Variants in DOCK9 observed in about 807,000 individuals in gnomAD.
DOCK9 encodes dedicator of cytokinesis 9, also known as dedicator of cytokinesis protein 9.
A neutral mutation model predicts 263.3 loss-of-function variants in DOCK9; 89 were observed. The ratio of observed to expected loss-of-function variants is 0.34; its 90% CI spans 0.28 to 0.40. The LOEUF is 0.40. DOCK9 is among the 10% of genes least tolerant of loss of function. DOCK9 has a pLI of 1.00. For missense variants in DOCK9, 2,140 were observed against 2,603.4 expected (o/e 0.82, Z 3.87); for synonymous variants, 976 against 973.1 (o/e 1.00, Z -0.06).
upstream of DOCK9, among the ~76,000 whole-genome samples, chr13:99,087,196 G>A (rs1353532513): frequency 2.0e-5 from 3 of 152,194 alleles, no homozygotes; most frequent in East Asian, 5.8e-4. Flanking sequence ...CCGCGCGCTC[G>A]TGTGGCGCCT....
intron 38 of DOCK9, among the ~76,000 whole-genome samples, 163 bp downstream of exon 38, chr13:98,845,761 C>T (rs146908132): frequency 2.2e-4 from 34 of 152,272 alleles, no homozygotes; most frequent in African/African-American, 7.9e-4. Context: ...ATGCTGAGGA[C>T]GCTCCTCCAA....
intron 1 of DOCK9, among the ~76,000 whole-genome samples, chr13:99,078,729 A>G (rs961612768): frequency 1.1e-4 from 16 of 152,220 alleles, no homozygotes; most frequent in African/African-American, 3.6e-4. Context: ...GCTCAAATAT[A>G]CAACAGGAAG....
At chr13:98,995,553 A>T (rs1267074652) in intron 1 of DOCK9, among the ~76,000 whole-genome samples, 1 of 140,116 alleles carries the variant, frequency 7.1e-6, no homozygotes, top group Non-Finnish European at 1.5e-5. Context: ...CAGTGGCGCG[A>T]TCTCGGCTCA....
chr13:98,824,117 T>C (rs997212840), intron 45 of DOCK9, among the ~76,000 whole-genome samples: 1 of 152,224 alleles, frequency 6.6e-6, no homozygotes, highest in African/African-American at 2.4e-5. Flanking sequence ...GACCAATATA[T>C]TGGAACTTTT....
At chr13:98,819,186 T>G (rs1207445838) in intron 45 of DOCK9, among the ~76,000 whole-genome samples, 1 of 152,176 alleles carries the variant, frequency 6.6e-6, no homozygotes, top group Non-Finnish European at 1.5e-5. Flanking sequence ...AATCTGGGTT[T>G]GGGGGGTAAG....
chr13:98,951,473 G>A (rs537852017), intron 2 of DOCK9, among the ~76,000 whole-genome samples: 20 of 152,336 alleles, frequency 1.3e-4, no homozygotes, highest in African/African-American at 4.8e-4. Context: ...AGGTGGGCAG[G>A]TGGGTGGGAG....
At chr13:99,085,377 C>T (rs1008467057) in intron 1 of DOCK9, among the ~76,000 whole-genome samples, 3 of 152,370 alleles carry the variant, frequency 2.0e-5, no homozygotes, top group Admixed American at 6.5e-5. Flanking sequence ...GAGCTCGCTC[C>T]TGCTCAAACG....
At chr13:99,043,753 C>A (rs1888696607) in intron 1 of DOCK9, among the ~76,000 whole-genome samples, 1 of 152,162 alleles carries the variant, frequency 6.6e-6, no homozygotes, top group African/African-American at 2.4e-5. Context: ...CTCCTTTACC[C>A]TGCCTCATCT....
rs1234517202 is a variant in DOCK9 at position 98,863,068 on chromosome 13, T to A, written c.3530A>T (p.Gln1177Leu). ...PLFGLLIENVQRINVRDVSPF... is the reference protein window; with the variant it reads ...PLFGLLIENVLRINVRDVSPF... ...TGACACATCCCTCACATTGATCCGC[T>A]GGACGTTTTCAATCAGCAGACCAAA... Residue 1177 changes from glutamine to leucine, a missense_variant, in exon 32 of 53, where the codon CAG (glutamine) becomes CTG (leucine). By Grantham distance (113) the Gln-to-Leu change is moderately radical (BLOSUM62 -2). Transcript: ENST00000682017. 1 of 1,612,014 alleles carries A rather than the reference T, an allele frequency of 6.2e-7. No homozygotes were observed. Among genetic ancestry groups the A allele is most frequent in the East Asian group, 2.2e-5 (1 of 44,838 alleles).
At chr13:98,917,172 G>A (rs1419268642) in intron 7 of DOCK9, among the ~76,000 whole-genome samples, 1 of 152,172 alleles carries the variant, frequency 6.6e-6, no homozygotes, top group Non-Finnish European at 1.5e-5. Context: ...TGATAGCTCA[G>A]GGCAGTTGTA....
chr13:98,885,491 G>A (rs1372348665), intron 20 of DOCK9: 2 of 498,604 alleles, frequency 4.0e-6, no homozygotes, highest in Admixed American at 3.8e-5. Flanking sequence ...TGTAGTCCCA[G>A]CTATTCAGGA....
At chr13:98,925,238 A>G (rs73560665) in intron 4 of DOCK9, among the ~76,000 whole-genome samples, 2 of 152,288 alleles carry the variant, frequency 1.3e-5, no homozygotes, top group African/African-American at 4.8e-5. Context: ...ATTCCTTTAA[A>G]GCAACACACA....
chr13:98,817,451 C>CTTTTTTTTTTTT lies in DOCK9; in HGVS notation c.5130+6935_5130+6946dup, dbSNP rs10683281. Among the ~76,000 whole-genome samples, 62 of 97,596 alleles carry CTTTTTTTTTTTT rather than the reference C, an allele frequency of 6.4e-4. 6 individuals are homozygous for CTTTTTTTTTTTT. The highest frequency in any genetic ancestry group is 1.4e-3 in the African/African-American group (29 of 20,252). The allele number at this position is 97,596 out of a possible 152,430, so 64.0% of individuals were successfully genotyped here. On this transcript the variant is annotated intron_variant, in intron 45 of 52. Transcript: ENST00000682017. ...TGTGAGAACAGACTAATACACCCAG[C>CTTTTTTTTTTTT]TTTTTTTTTTTTTTTTTTTTTGGTA...
At chr13:99,061,201 C>T (rs2041172386) in intron 1 of DOCK9, among the ~76,000 whole-genome samples, 1 of 152,114 alleles carries the variant, frequency 6.6e-6, no homozygotes, top group Admixed American at 6.5e-5. Context: ...CCATAGAACA[C>T]CTAAGCATTT....
intron 1 of DOCK9, among the ~76,000 whole-genome samples, chr13:99,082,488 C>T (rs2042161681): frequency 6.6e-6 from 1 of 151,804 alleles, no homozygotes; most frequent in African/African-American, 2.4e-5. Context: ...CACTGCACTC[C>T]AGCCTGGGTG....
intron 30 of DOCK9, chr13:98,867,091 T>C (rs1228017145): frequency 1.5e-5 from 7 of 456,512 alleles, no homozygotes; most frequent in Non-Finnish European, 3.0e-5. Flanking sequence ...GACTCCACAG[T>C]TGGTGAAAGA....
intron 15 of DOCK9, among the ~76,000 whole-genome samples, chr13:98,891,674 GTTAT>G (rs1241856477): frequency 1.3e-5 from 2 of 152,088 alleles, no homozygotes; most frequent in Non-Finnish European, 2.9e-5. Flanking sequence ...CCTAACTATA[GTTAT>G]TTCTTATTCT....
At chr13:98,845,516 T>G in intron 38 of DOCK9, 2 of 437,352 alleles carry the variant, frequency 4.6e-6, no homozygotes, top group Non-Finnish European at 7.9e-6. Flanking sequence ...GCTTGATCAA[T>G]TACATGCACA....
At chr13:98,864,724 C>T (rs1407431541) in intron 30 of DOCK9, among the ~76,000 whole-genome samples, 1 of 152,090 alleles carries the variant, frequency 6.6e-6, no homozygotes. Flanking sequence ...GATGTGTGTC[C>T]CCTCTGAATC....
Sources: gnomAD v4.1 joint callset for allele counts (sites outside exome capture counted in the v4.1 genomes callset) on GRCh38, gnomAD v4.1.1 for gene constraint, MANE v1.5 for transcripts, NCBI Gene and HGNC (gene_info 2026-07-23, HGNC 2026-07-21) for gene names.